The following CDYL variants were observed in gnomAD, a reference collection of about 807,000 sequenced individuals.
CDYL encodes the protein chromodomain Y-like protein.
A neutral mutation model predicts 47.3 loss-of-function variants in CDYL; 8 were observed. The observed-to-expected ratio is 0.17, with a 90% confidence interval of 0.10 to 0.31. The LOEUF (loss-of-function observed/expected upper bound fraction) is 0.31. CDYL is among the 10% of genes least tolerant of loss of function. The pLI is 1.00. For synonymous variants in CDYL, 266 were observed against 265.0 expected (o/e 1.00, Z -0.04); for missense variants, 471 against 701.4 (o/e 0.67, Z 3.71).
At chr6:4,770,490 C>T (rs1267013770) in intron 3 of CDYL, among the ~76,000 whole-genome samples, 2 of 152,076 alleles carry the variant, frequency 1.3e-5, no homozygotes, top group South Asian at 2.1e-4. Context: ...TTGTAAAGTG[C>T]TTAGAACAGT....
At chr6:4,796,982 C>A (rs976419697) in intron 1 of CDYL, among the ~76,000 whole-genome samples, 1 of 152,064 alleles carries the variant, frequency 6.6e-6, no homozygotes, top group African/African-American at 2.4e-5. Context: ...CTGTGTCTGA[C>A]CTTGTGGTTG....
In CDYL at chr6:4,790,395, T is replaced by G. The variant is rs192356546; in HGVS notation, c.24+13588T>G. 7.9e-5 allele frequency among the ~76,000 whole-genome samples: 12 copies of G among 152,288 alleles called. 1 individual carries two copies. In the East Asian group the frequency reaches 2.1e-3, roughly 27 times the overall value. On this transcript the variant is annotated intron_variant, in intron 1 of 6. Coordinates refer to ENST00000397588, the MANE Select transcript of CDYL (RefSeq NM_004824.4). ...TGGTTTTGGGTTTGCTTGAGAACAT[T>G]AGATGTTATTTTTCTCCAAGACACA...
chr6:4,836,923 G>A (rs1760332601), intron 1 of CDYL, among the ~76,000 whole-genome samples: 1 of 152,210 alleles, frequency 6.6e-6, no homozygotes, highest in South Asian at 2.1e-4. Flanking sequence ...GAGTGCCCTG[G>A]AATGGAGTGA....
At chr6:4,736,194 C>T (rs1426995515) in intron 3 of CDYL, among the ~76,000 whole-genome samples, 1 of 152,136 alleles carries the variant, frequency 6.6e-6, no homozygotes, top group Non-Finnish European at 1.5e-5. Context: ...TTAGATGATG[C>T]TTTATTAAAA....
At chr6:4,848,125 T>A (rs1393433041) in intron 1 of CDYL, among the ~76,000 whole-genome samples, 1 of 152,202 alleles carries the variant, frequency 6.6e-6, no homozygotes, top group Non-Finnish European at 1.5e-5. Flanking sequence ...TACATATGAT[T>A]CTATGAAATT....
At chr6:4,754,197 A>T (rs1053180698) in intron 3 of CDYL, among the ~76,000 whole-genome samples, 1 of 152,202 alleles carries the variant, frequency 6.6e-6, no homozygotes, top group African/African-American at 2.4e-5. Context: ...AGTCTCTGAC[A>T]TCATTTTCCA....
At chr6:4,748,674 C>CACACACAA (rs1347746257) in intron 3 of CDYL, among the ~76,000 whole-genome samples, 3 of 151,546 alleles carry the variant, frequency 2.0e-5, no homozygotes, top group Admixed American at 6.6e-5. Context: ...CACACACACA[C>CACACACAA]ACACACAAAC....
chr6:4,839,104 G>T (rs12203914), intron 1 of CDYL, among the ~76,000 whole-genome samples: 5,057 of 152,092 alleles, frequency 0.033, 109 homozygotes, highest in Non-Finnish European at 0.053. Context: ...TTGATTTTTC[G>T]ATTATGACCA....
chr6:4,915,046 G>A (rs1332662657), intron 2 of CDYL, among the ~76,000 whole-genome samples: 2 of 152,210 alleles, frequency 1.3e-5, no homozygotes, highest in Non-Finnish European at 2.9e-5. Context: ...GTGTGCTGGG[G>A]CTGGCCCAAC....
chr6:4,831,181 A>C (rs1250727388), intron 1 of CDYL, among the ~76,000 whole-genome samples: 4 of 152,156 alleles, frequency 2.6e-5, no homozygotes, highest in Non-Finnish European at 5.9e-5. Context: ...ATTAATGCCT[A>C]GGTTTTCTTC....
intron 3 of CDYL, among the ~76,000 whole-genome samples, chr6:4,768,128 T>A (rs961144261): frequency 2.6e-5 from 4 of 152,226 alleles, no homozygotes; most frequent in Admixed American, 2.6e-4. Flanking sequence ...CTTCCACATC[T>A]AGGCCTTTGG....
chr6:4,910,135 C>T (rs1266037706), intron 2 of CDYL, among the ~76,000 whole-genome samples: 2 of 151,966 alleles, frequency 1.3e-5, no homozygotes, highest in African/African-American at 4.8e-5. Flanking sequence ...CCATCTAAAA[C>T]ATAGCGCTCA....
At chr6:4,874,634 G>A (rs1416333723) in intron 1 of CDYL, among the ~76,000 whole-genome samples, 1 of 152,232 alleles carries the variant, frequency 6.6e-6, no homozygotes, top group African/African-American at 2.4e-5. Flanking sequence ...TATAGTTGGT[G>A]AGCTTGACAA....
intron 1 of CDYL, among the ~76,000 whole-genome samples, chr6:4,835,308 A>G (rs559791875): frequency 6.6e-6 from 1 of 152,316 alleles, no homozygotes; most frequent in South Asian, 2.1e-4. Flanking sequence ...CCTCAGCTGC[A>G]GGTCTGTTGG....
chr6:4,711,910 C>T (rs1263607291), intron 1 of CDYL, among the ~76,000 whole-genome samples: 2 of 152,016 alleles, frequency 1.3e-5, no homozygotes, highest in Non-Finnish European at 2.9e-5. Context: ...ACAAAAAATA[C>T]AAAAATTAGC....
At chr6:4,711,150 A>G (rs1757146003) in intron 1 of CDYL, among the ~76,000 whole-genome samples, 1 of 152,074 alleles carries the variant, frequency 6.6e-6, no homozygotes, top group Admixed American at 6.6e-5. Context: ...GATCACAAAT[A>G]CCCTGAGAAC....
chr6:4,729,418 C>G (rs1021214822), intron 2 of CDYL, among the ~76,000 whole-genome samples: 1 of 152,000 alleles, frequency 6.6e-6, no homozygotes, highest in Admixed American at 6.5e-5. Context: ...GACCTTGATA[C>G]CTTCTCAGAC....
chr6:4,909,798 TCTC>T (rs1415165024), intron 2 of CDYL, among the ~76,000 whole-genome samples: 3 of 151,822 alleles, frequency 2.0e-5, no homozygotes, highest in Non-Finnish European at 4.4e-5. Context: ...ATGATCTCGA[TCTC>T]CTGATCTTGT....
At chr6:4,838,365 A>ATAGCT (rs1214055674) in intron 1 of CDYL, among the ~76,000 whole-genome samples, 1 of 150,966 alleles carries the variant, frequency 6.6e-6, no homozygotes, top group Admixed American at 6.6e-5. Flanking sequence ...TTGCATCTTC[A>ATAGCT]TAGCTTAGCT....
Sources: allele counts gnomAD v4.1 joint callset (sites outside exome capture counted in the v4.1 genomes callset), GRCh38; gene constraint gnomAD v4.1.1; transcripts MANE v1.5; gene names NCBI Gene and HGNC (gene_info 2026-07-23, HGNC 2026-07-21).